The following IRF4 variants were observed in gnomAD, a reference collection of about 807,000 sequenced individuals.
IRF4 encodes lymphocyte-specific interferon regulatory factor.
IRF4 carries 13 observed loss-of-function variants against 55.5 expected under a neutral mutation model. That is an observed-to-expected ratio of 0.23 (90% confidence interval 0.15 to 0.37). IRF4 has a LOEUF of 0.37. Among genes scored for constraint, IRF4 ranks in the 10% least tolerant of loss-of-function variants. The pLI is 1.00. For synonymous variants in IRF4, 249 were observed against 240.7 expected, an observed-to-expected ratio of 1.03 and a Z score of -0.32; for missense variants, 397 against 593.8, an observed-to-expected ratio of 0.67 and a Z score of 3.44.
Position 393,183 on chromosome 6 carries a change from G to T in IRF4, c.31G>T (p.Glu11Ter). Reference sequence around the variant, plus strand: ...CCTGGAGGGCGGCGGCCGAGGCGGAGAGTTCGGCATGAGCGCGGTGAGCTG... The same window carrying T: ...CCTGGAGGGCGGCGGCCGAGGCGGATAGTTCGGCATGAGCGCGGTGAGCTG... MNLEGGGRGGEFGMSAVSCGN... is the reference protein window; with the variant it reads MNLEGGGRGG The change falls in exon 2 of 9, where the codon GAG becomes TAG. Residue 11 changes from glutamate (E) to a stop codon, truncating the protein, a stop_gained. Coordinates refer to ENST00000380956, the MANE Select transcript of IRF4 (RefSeq NM_002460.4). LOFTEE classifies it high-confidence loss of function. This position sits in a 1 kb window ranked among gnomAD's most constrained non-coding sequence, Gnocchi z 5.4. 1 of 1,553,850 alleles carries T rather than the reference G, an allele frequency of 6.4e-7. No individual in the cohort carries two copies.
rs753427028 is a variant in IRF4 at position 397,217 on chromosome 6, G to T, written c.602G>T (p.Arg201Leu). Reference sequence around the variant, plus strand: ...CAATGTCCCATGACGTTTGGACCCCGCGGCCACCACTGGCAAGGCCCAGCT... The same window carrying T: ...CAATGTCCCATGACGTTTGGACCCCTCGGCCACCACTGGCAAGGCCCAGCT... ...PYQCPMTFGP[R>L]GHHWQGPACE... is the part of the protein sequence containing the mutation. Residue 201 changes from arginine (R) to leucine (L), a missense_variant, in exon 5 of 9, where the codon CGC becomes CTC. By Grantham distance (102) the Arg-to-Leu change is moderately radical. Transcript: ENST00000380956. 4.3e-6 allele frequency: 7 copies of T among 1,614,254 alleles called. No homozygotes were observed. The highest frequency in any genetic ancestry group is 5.9e-6 in the Non-Finnish European group (7 of 1,180,048).
In IRF4 at chr6:391,788, T is replaced by C; in HGVS notation, c.-77T>C. The stretch of plus-strand genomic sequence containing the variant: ...TCGATCTTGGGACCCACCGCTGCCC[T>C]CAGCTCCGAGTCCAGGGCGAGGTAA... On this transcript the variant is annotated 5_prime_UTR_variant, in exon 1 of 9. Coordinates refer to ENST00000380956, the MANE Select transcript of IRF4 (RefSeq NM_002460.4). 1 of 450,662 alleles carries C rather than the reference T, an allele frequency of 2.2e-6. No homozygotes were observed. Among genetic ancestry groups the C allele is most frequent in the Non-Finnish European group, 4.4e-6 (1 of 225,930 alleles). 27.9% of individuals were successfully genotyped at this position (450,662 alleles called of 1,614,324 possible).
chr6:391,843 G>C (rs1402517792), intron 1 of IRF4, 34 bp downstream of exon 1: 5 of 455,592 alleles, frequency 1.1e-5, no homozygotes, highest in African/African-American at 1.0e-4. Flanking sequence ...GGAGGGGTGT[G>C]AGGCTGATAC....
Position 398,878 on chromosome 6 carries a change from G to C in IRF4, c.688G>C (p.Ala230Pro). 6.2e-7 allele frequency: 1 copy of C among 1,613,694 alleles called. No homozygotes were observed. The highest frequency in any genetic ancestry group is 8.5e-7 in the Non-Finnish European group (1 of 1,179,878). The stretch of plus-strand genomic sequence containing the variant: ...TGCTTGTGCCCCACCTGAGTCCCAG[G>C]CTCCCGGAGTCCCCACAGAGCCAAG... ...FYACAPPESQAPGVPTEPSIR... is the reference protein window; with the variant it reads ...FYACAPPESQPPGVPTEPSIR... Residue 230 changes from alanine to proline, a missense_variant, in exon 6 of 9, where the codon GCT (alanine) becomes CCT (proline). Physicochemically the swap from Ala to Pro is conservative, Grantham distance 27. This residue lies in a region of IRF4 where 341 missense variants were observed against 548.1 expected (regional missense o/e 0.62). Transcript: ENST00000380956.
In IRF4 at chr6:407,525, A is replaced by G. The variant is rs934318315; in HGVS notation, c.1283A>G (p.Tyr428Cys). The change falls in exon 9 of 9, where the codon TAC (tyrosine) becomes TGC (cysteine). Residue 428 changes from tyrosine to cysteine, a missense_variant. Coordinates refer to ENST00000380956, the MANE Select transcript of IRF4 (RefSeq NM_002460.4). Reference sequence around the variant, plus strand: ...AACAGTGGACATTTCCTGAGGGGCTACGATTTACCAGAACACATCAGCAAT... The same window carrying G: ...AACAGTGGACATTTCCTGAGGGGCTGCGATTTACCAGAACACATCAGCAAT... The part of the protein sequence containing the change: ...QQNSGHFLRG[Y>C]DLPEHISNPE... 1 of 1,613,344 alleles carries G rather than the reference A, an allele frequency of 6.2e-7. No individual in the cohort carries two copies. The highest frequency in any genetic ancestry group is 8.5e-7 in the Non-Finnish European group (1 of 1,179,498).
At position 410,446 on chromosome 6, in the gene IRF4, T is replaced by C; in HGVS notation, c.*2848T>C. The C allele has an allele frequency of 4.4e-6, 1 of 229,220 alleles. No homozygotes were observed. 14.2% of individuals were successfully genotyped at this position (229,220 alleles called of 1,614,324 possible). On this transcript the variant is annotated 3_prime_UTR_variant, in exon 9 of 9. Coordinates refer to ENST00000380956, the MANE Select transcript of IRF4 (RefSeq NM_002460.4). ...CCCAGCTAGACTATTGGGTATGAAC[T>C]AAAAAGAGACTGTGCCATGGTGAGA...
In IRF4 at chr6:395,827, C is replaced by G. The variant is rs1008871444; in HGVS notation, c.404-20C>G. ...TCCTGTTTTTACGTTGTGCCATTTC[C>G]CTTTTCCCCAAACATGTAGGAGCCA... On this transcript the variant is annotated intron_variant, in intron 3 of 8. Transcript: ENST00000380956. 10 of 1,598,796 alleles carry G rather than the reference C, an allele frequency of 6.3e-6. No individual in the cohort carries two copies. In the African/African-American group the frequency reaches 1.1e-4, roughly 17 times the overall value.
chr6:393,052 C>T lies in IRF4; in HGVS notation c.-55-46C>T. 4 of 1,113,526 alleles carry T rather than the reference C, an allele frequency of 3.6e-6. No homozygotes were observed. Among genetic ancestry groups the T allele is most frequent in the South Asian group, 1.6e-5 (1 of 64,130 alleles). 69.0% of individuals were successfully genotyped at this position (1,113,526 alleles called of 1,614,324 possible). ...GCGCAGGGGATCGGGGCGGGGTGCCCGGAGTGCGGTGCCTCGTGGCTGAAG... is the reference window on the plus strand; with the variant it reads ...GCGCAGGGGATCGGGGCGGGGTGCCTGGAGTGCGGTGCCTCGTGGCTGAAG... On this transcript the variant is annotated intron_variant, in intron 1 of 8. Transcript: ENST00000380956. The surrounding 1 kb of genome is among the most constrained non-coding windows in gnomAD (Gnocchi z 5.4).
rs777556676 is a variant in IRF4, at chr6:401,599, G to T, written c.921G>T (p.Leu307=). The T allele has an allele frequency of 6.2e-7, 1 of 1,614,160 alleles. No individual in the cohort carries two copies. Among genetic ancestry groups the T allele is most frequent in the Non-Finnish European group, 8.5e-7 (1 of 1,180,054 alleles). The change falls in exon 7 of 9, where the codon CTG becomes CTT. Residue 307 remains leucine (L), a synonymous_variant. Transcript: ENST00000380956. The part of the protein sequence containing the change: ...DNGQRKNIEK[L]LSHLERGVVL... Reference sequence around the variant, plus strand: ...GCCAGAGGAAAAACATTGAGAAGCTGCTGAGCCACCTGGAGAGGGGCGTGG... The same window carrying T: ...GCCAGAGGAAAAACATTGAGAAGCTTCTGAGCCACCTGGAGAGGGGCGTGG...
chr6:411,244 A>G lies in IRF4; in HGVS notation c.*3646A>G, dbSNP rs895265488. On this transcript the variant is annotated 3_prime_UTR_variant, in exon 9 of 9. Transcript: ENST00000380956. ...GCAGGTAGGACCCCAGAGGCCCCCA[A>G]ATGAAAGCTTGAATTTCCCCTACTG... The G allele has an allele frequency of 4.4e-6, 1 of 229,162 alleles. No individual in the cohort carries two copies. The highest frequency in any genetic ancestry group is 8.7e-6 in the Non-Finnish European group (1 of 115,368). 14.2% of individuals were successfully genotyped at this position (229,162 alleles called of 1,614,324 possible). A position where few individuals can be genotyped will look rare whatever the true frequency, so the allele number is the denominator to read the frequency against.
intron 8 of IRF4, chr6:406,652 C>T: frequency 3.8e-6 from 1 of 263,760 alleles, no homozygotes; most frequent in Non-Finnish European, 6.4e-6. Context: ...AAAGATGGAT[C>T]CCCAGATGAC....
chr6:394,136 G>A (rs1761196265), intron 2 of IRF4, among the ~76,000 whole-genome samples: 1 of 152,206 alleles, frequency 6.6e-6, no homozygotes, highest in African/African-American at 2.4e-5. Context: ...CCGGGAATTT[G>A]GTCTCAATTT....
In IRF4 at chr6:393,392, G is replaced by A; in HGVS notation, c.216+24G>A. The A allele has an allele frequency of 1.3e-6, 2 of 1,523,582 alleles. No individual in the cohort carries two copies. The highest frequency in any genetic ancestry group is 1.8e-6 in the Non-Finnish European group (2 of 1,129,894). The allele number at this position is 1,523,582 out of a possible 1,614,324, so 94.4% of individuals were successfully genotyped here. On this transcript the variant is annotated intron_variant, in intron 2 of 8. Coordinates refer to ENST00000380956, the MANE Select transcript of IRF4 (RefSeq NM_002460.4). This position sits in a 1 kb window ranked among gnomAD's most constrained non-coding sequence, Gnocchi z 5.4. Reference sequence around the variant, plus strand: ...AGGTCTCCGGCCTCGGGAGCCGGCGGGGGCGCGCCGGGGAGGGCCCAGAGA... The same window carrying A: ...AGGTCTCCGGCCTCGGGAGCCGGCGAGGGCGCGCCGGGGAGGGCCCAGAGA...
chr6:393,873 C>T lies in IRF4; in HGVS notation c.216+505C>T, dbSNP rs1340565391. Among the ~76,000 whole-genome samples the T allele has an allele frequency of 6.6e-6, 1 of 152,208 alleles. No homozygotes were observed. Among genetic ancestry groups the T allele is most frequent in the Non-Finnish European group, 1.5e-5 (1 of 68,020 alleles). The stretch of plus-strand genomic sequence containing the variant: ...TCCATGTTTTTCCTGAGGTCAGCCT[C>T]TCTTCTCGCTCCTGCTAGCTCTCTG... On this transcript the variant is annotated intron_variant, in intron 2 of 8. Coordinates refer to ENST00000380956, the MANE Select transcript of IRF4 (RefSeq NM_002460.4). The surrounding 1 kb of genome is among the most constrained non-coding windows in gnomAD (Gnocchi z 5.4).
At chr6:405,514 A>C (rs1761523545) in intron 8 of IRF4, among the ~76,000 whole-genome samples, 1 of 152,216 alleles carries the variant, frequency 6.6e-6, no homozygotes, top group South Asian at 2.1e-4. Context: ...TAGCTAGTGG[A>C]TCTTCATTCA....
At chr6:400,437 A>G (rs1761366860) in intron 6 of IRF4, among the ~76,000 whole-genome samples, 1 of 152,220 alleles carries the variant, frequency 6.6e-6, no homozygotes, top group Admixed American at 6.5e-5. Flanking sequence ...AAATGGATTC[A>G]TCTTGTTTAA....
chr6:404,247 CAG>C (rs1376703394), intron 7 of IRF4, among the ~76,000 whole-genome samples: 1 of 152,190 alleles, frequency 6.6e-6, no homozygotes, highest in Non-Finnish European at 1.5e-5. Context: ...GGGCTAAAGT[CAG>C]GGGATGGGCA....
chr6:403,564 G>A (rs1302052513), intron 7 of IRF4, among the ~76,000 whole-genome samples: 1 of 152,202 alleles, frequency 6.6e-6, no homozygotes, highest in Non-Finnish European at 1.5e-5. Context: ...GCACAGGCAG[G>A]GGGTGGACGC....
chr6:395,102 T>C, intron 3 of IRF4, 95 bp downstream of exon 3: 1 of 1,000,782 alleles, frequency 1.0e-6, no homozygotes, highest in Non-Finnish European at 1.4e-6. Flanking sequence ...TAGCTTTCCT[T>C]TTGTATTGCC....
Sources: gnomAD v4.1 joint callset for allele counts (sites outside exome capture counted in the v4.1 genomes callset) on GRCh38, gnomAD v4.1.1 for gene constraint, gnomAD v4.1.1 regional missense constraint, Gnocchi (gnomAD v3.1) non-coding constraint, MANE v1.5 for transcripts, NCBI Gene and HGNC (gene_info 2026-07-23, HGNC 2026-07-21) for gene names.